The following TNRC6B variants were observed in gnomAD, a reference collection of about 807,000 sequenced individuals.
The protein encoded by TNRC6B is trinucleotide repeat containing adaptor 6B.
Under a neutral mutation model 203.6 loss-of-function variants are expected in TNRC6B, and 52 were observed. The ratio of observed to expected loss-of-function variants is 0.26; its 90% CI spans 0.20 to 0.32. The LOEUF (loss-of-function observed/expected upper bound fraction) is 0.32, where lower values mean the gene tolerates loss of function less well. Ranked by LOEUF, TNRC6B falls within the 10% of genes least tolerant of loss-of-function variation. The pLI is 1.00. For synonymous variants in TNRC6B, 838 were observed against 845.7 expected (o/e 0.99, Z 0.16); for missense variants, 1,923 against 2,286.2 (o/e 0.84, Z 3.24).
chr22:40,179,831 G>A (rs2069109298), intron 1 of TNRC6B, among the ~76,000 whole-genome samples: 1 of 152,222 alleles, frequency 6.6e-6, no homozygotes, highest in Non-Finnish European at 1.5e-5. Flanking sequence ...GGCCAATTGT[G>A]TGTAGATGAA....
intron 1 of TNRC6B, among the ~76,000 whole-genome samples, chr22:40,054,496 G>T (rs2067776784): frequency 6.6e-6 from 1 of 152,148 alleles, no homozygotes; most frequent in African/African-American, 2.4e-5. Flanking sequence ...CCTGAGCTCA[G>T]TGTGTGTGTC....
chr22:40,266,834 G>C lies in TNRC6B; in HGVS notation c.2604G>C (p.Lys868Asn). The C allele has an allele frequency of 2.5e-6, 4 of 1,613,984 alleles. No individual in the cohort carries two copies. Among genetic ancestry groups the C allele is most frequent in the Non-Finnish European group, 3.4e-6 (4 of 1,179,870 alleles). The change falls in exon 5 of 23, where the codon AAG becomes AAC. Residue 868 changes from lysine (K) to asparagine (N), a missense_variant. Lys to Asn is a moderately conservative substitution (Grantham distance 94). Around this residue, in one of 8 missense-constraint regions of TNRC6B, gnomAD observed 599 missense variants for 656.5 expected, o/e 0.91. Coordinates refer to ENST00000454349, the MANE Select transcript of TNRC6B (RefSeq NM_001162501.2). ...WSSGPQPATP[K>N]DEEPSGWEEP... ...GCGGGCCACAGCCTGCAACACCTAA[G>C]GATGAGGAACCCAGTGGTTGGGAAG...
chr22:40,056,528 T>C (rs573336947), intron 1 of TNRC6B, among the ~76,000 whole-genome samples: 137 of 152,234 alleles, frequency 9.0e-4, no homozygotes, highest in African/African-American at 3.2e-3. Context: ...GTGCAGTGGC[T>C]CATGCCTGTA....
chr22:40,247,217 G>C (rs1405548441), intron 2 of TNRC6B, among the ~76,000 whole-genome samples: 1 of 152,112 alleles, frequency 6.6e-6, no homozygotes, highest in Non-Finnish European at 1.5e-5. Context: ...TTACTGCTAT[G>C]TAAAGCATTT....
chr22:40,085,838 T>TTTGTTGTTGCTGTTG (rs2068095417), intron 1 of TNRC6B, among the ~76,000 whole-genome samples: 1 of 143,404 alleles, frequency 7.0e-6, no homozygotes, highest in South Asian at 2.2e-4. Flanking sequence ...AGAAACTATT[T>TTTGTTGTTGCTGTTG]TTGTTGTTGC....
At position 40,327,009 on chromosome 22, in the gene TNRC6B, G is replaced by T. The variant is rs771822357; in HGVS notation, c.*3768G>T. On this transcript the variant is annotated 3_prime_UTR_variant, in exon 23 of 23. Transcript: ENST00000454349. ...CGGAGATGTGGAGTGTTTCCTTTCAGTTTTTGGTGATGTTGAATTCTTTTG... is the reference window on the plus strand; with the variant it reads ...CGGAGATGTGGAGTGTTTCCTTTCATTTTTTGGTGATGTTGAATTCTTTTG... 3 of 152,592 alleles carry T rather than the reference G, an allele frequency of 2.0e-5. No individual in the cohort carries two copies. The highest frequency in any genetic ancestry group is 7.2e-5 in the African/African-American group (3 of 41,430). 9.5% of individuals were successfully genotyped at this position (152,592 alleles called of 1,614,324 possible).
intron 12 of TNRC6B, among the ~76,000 whole-genome samples, chr22:40,289,262 A>T (rs2070835644): frequency 6.6e-6 from 1 of 152,112 alleles, no homozygotes; most frequent in Non-Finnish European, 1.5e-5. Flanking sequence ...AGCCTGGGCA[A>T]CAGAGCAAGA....
intron 1 of TNRC6B, among the ~76,000 whole-genome samples, chr22:40,094,685 C>T (rs994369911): frequency 1.3e-5 from 2 of 152,160 alleles, no homozygotes; most frequent in Non-Finnish European, 2.9e-5. Context: ...GTTACTTAAA[C>T]GAAAAGTGTT....
intron 1 of TNRC6B, among the ~76,000 whole-genome samples, chr22:40,057,689 G>A (rs2067811941): frequency 6.6e-6 from 1 of 152,164 alleles, no homozygotes; most frequent in African/African-American, 2.4e-5. Context: ...CTAACCTGGA[G>A]ACCCCCTGGT....
At chr22:40,207,929 G>A (rs1022960906) in intron 1 of TNRC6B, among the ~76,000 whole-genome samples, 2 of 151,900 alleles carry the variant, frequency 1.3e-5, no homozygotes, top group Non-Finnish European at 2.9e-5. Flanking sequence ...TGGCTAACAC[G>A]GTGAAACCCC....
intron 1 of TNRC6B, among the ~76,000 whole-genome samples, chr22:40,211,439 C>T (rs1447208657): frequency 6.6e-6 from 1 of 152,088 alleles, no homozygotes; most frequent in Non-Finnish European, 1.5e-5. Context: ...TTTCCCATGC[C>T]TGAACTATTC....
In TNRC6B at chr22:40,265,543, C is replaced by G; in HGVS notation, c.1313C>G (p.Ser438Cys). The G allele has an allele frequency of 1.2e-6, 2 of 1,613,868 alleles. No homozygotes were observed. The highest frequency in any genetic ancestry group is 8.5e-7 in the Non-Finnish European group (1 of 1,179,862). ...ARGPSGTDTV[S>C]GQSNSGNNGN... is the part of the protein sequence containing the mutation. ...GGGCCTTCTGGAACTGACACAGTCT[C>G]TGGACAAAGCAATTCTGGAAACAAT... The change falls in exon 5 of 23, where the codon TCT becomes TGT. Residue 438 changes from serine to cysteine, a missense_variant. Transcript: ENST00000454349.
chr22:40,234,052 G>A (rs2069915698), intron 1 of TNRC6B, among the ~76,000 whole-genome samples: 1 of 152,164 alleles, frequency 6.6e-6, no homozygotes, highest in Non-Finnish European at 1.5e-5. Context: ...TTGAGAGGCC[G>A]ATGCAGGAGT....
intron 3 of TNRC6B, among the ~76,000 whole-genome samples, chr22:40,131,110 C>T (rs57187088): frequency 0.056 from 8,470 of 151,844 alleles, 751 homozygotes; most frequent in African/African-American, 0.19. Context: ...TTAGTAGAGA[C>T]GGGGTTTCAG....
rs2071457653 is a variant in TNRC6B at position 40,330,833 on chromosome 22, C to G, written c.*7592C>G. On this transcript the variant is annotated 3_prime_UTR_variant, in exon 23 of 23. Transcript: ENST00000454349. ...AAGTCAAAGTTCCTCCTGGAAGTCC[C>G]AGGAGCAGCTGTTGAGATTTCATTA... 1 of 152,612 alleles carries G rather than the reference C, an allele frequency of 6.6e-6. No individual in the cohort carries two copies. Among genetic ancestry groups the G allele is most frequent in the African/African-American group, 2.4e-5 (1 of 41,440 alleles). The allele number at this position is 152,612 out of a possible 1,614,324, so 9.5% of individuals were successfully genotyped here. A position where few individuals can be genotyped will look rare whatever the true frequency, so the allele number is the denominator to read the frequency against.
intron 1 of TNRC6B, among the ~76,000 whole-genome samples, chr22:40,197,310 C>T (rs535296972): frequency 6.6e-6 from 1 of 152,014 alleles, no homozygotes; most frequent in East Asian, 1.9e-4. Context: ...GACAGAGTCT[C>T]ACACTGTTGC....
At chr22:40,286,256 A>T (rs1175198662) in intron 12 of TNRC6B, among the ~76,000 whole-genome samples, 2 of 152,180 alleles carry the variant, frequency 1.3e-5, no homozygotes, top group Admixed American at 1.3e-4. Context: ...TGAGGCCAGG[A>T]TCACTTGAGT....
intron 1 of TNRC6B, among the ~76,000 whole-genome samples, chr22:40,091,185 G>A (rs989625008): frequency 1.3e-5 from 2 of 151,610 alleles, no homozygotes; most frequent in Admixed American, 1.3e-4. Flanking sequence ...GGGTTTCACC[G>A]TGTTAGCCAG....
At position 40,222,728 on chromosome 22, in the gene TNRC6B, C is replaced by CTTTTTTTTTTTTTTTTTTTTTTTTTTTT. The variant is rs61374373; in HGVS notation, c.6-23281_6-23254dup. 5.0e-5 allele frequency among the ~76,000 whole-genome samples: 2 copies of CTTTTTTTTTTTTTTTTTTTTTTTTTTTT among 40,214 alleles called. 1 individual carries two copies. The highest frequency in any genetic ancestry group is 7.9e-5 in the Non-Finnish European group (2 of 25,160). The allele number at this position is 40,214 out of a possible 152,430, so 26.4% of individuals were successfully genotyped here. ...ATCTTGCTGTATTCTCTCTCTCTCT[C>CTTTTTTTTTTTTTTTTTTTTTTTTTTTT]TTTTTTTTTTTTTTTTTTTTTTTTT... On this transcript the variant is annotated intron_variant, in intron 1 of 22. Transcript: ENST00000454349.
Sources: allele counts gnomAD v4.1 joint callset (sites outside exome capture counted in the v4.1 genomes callset), GRCh38; gene constraint gnomAD v4.1.1; regional missense constraint gnomAD v4.1.1; transcripts MANE v1.5; gene names NCBI Gene and HGNC (gene_info 2026-07-23, HGNC 2026-07-21).